Variants in CCDC201 observed in about 807,000 individuals in gnomAD.
The protein encoded by CCDC201 is coiled-coil domain-containing protein 201.
exon 3 of CCDC201, chr7:45,860,461 G>C (rs1583650408): frequency 6.6e-6 from 1 of 152,244 alleles, no homozygotes; most frequent in African/African-American, 2.4e-5. Context: ...CGCATACACA[G>C]TGAGAGTTAA....
exon 3 of CCDC201, chr7:45,862,944 T>G (rs1474850801): frequency 6.6e-6 from 1 of 152,246 alleles, no homozygotes; most frequent in African/African-American, 2.4e-5. Context: ...AACAGGATCT[T>G]CTCAAACCTG....
chr7:45,866,105 G>T, exon 2 of CCDC201: 1 of 188,608 alleles, frequency 5.3e-6, no homozygotes, highest in Non-Finnish European at 1.1e-5. Flanking sequence ...GCAATCCAGG[G>T]TTTTGTGCCC....
upstream of CCDC201, among the ~76,000 whole-genome samples, chr7:45,874,559 C>A (rs963969813): frequency 3.9e-5 from 6 of 152,224 alleles, no homozygotes; most frequent in African/African-American, 1.4e-4. Context: ...GTACAGCACG[C>A]AGAGCTGAGG....
upstream of CCDC201, among the ~76,000 whole-genome samples, chr7:45,875,708 A>T (rs1295645403): frequency 6.6e-6 from 1 of 152,222 alleles, no homozygotes; most frequent in African/African-American, 2.4e-5. Flanking sequence ...TGTGCAGAAT[A>T]CTGGAGTGAA....
At chr7:45,878,158 TC>T in the CCDC201 span, among the ~76,000 whole-genome samples, 2 of 152,176 alleles carry the variant, frequency 1.3e-5, no homozygotes, top group Middle Eastern at 3.2e-3. Flanking sequence ...TGGCATCTCT[TC>T]CCCTGTGGGA....
chr7:45,880,189 G>C, the CCDC201 span, among the ~76,000 whole-genome samples: 1 of 152,140 alleles, frequency 6.6e-6, no homozygotes, highest in Non-Finnish European at 1.5e-5. Flanking sequence ...ATTGTTGTTG[G>C]CTGTTTAAAT....
rs1380088376 is a variant in CCDC201 at position 45,865,351 on chromosome 7, G to C, written c.477+685C>G. 2.6e-5 allele frequency among the ~76,000 whole-genome samples: 4 copies of C among 152,320 alleles called. 1 individual carries two copies. Among genetic ancestry groups the C allele is most frequent in the South Asian group, 4.1e-4 (2 of 4,828 alleles). On this transcript the variant is annotated intron_variant, in intron 2 of 2. Coordinates refer to ENST00000636578, the Ensembl canonical transcript of CCDC201. ...GTAGGTCTGAGACAGTGTGTGCCCT[G>C]CTGGTTCTCCAGCTGTGGCAAGGGC...
At chr7:45,883,270 G>GACACACACACACCCCAAC in the CCDC201 span, among the ~76,000 whole-genome samples, 2 of 151,998 alleles carry the variant, frequency 1.3e-5, no homozygotes, top group Non-Finnish European at 2.9e-5. Flanking sequence ...AACCAGGTGA[G>GACACACACACACCCCAAC]ACACACACAC....
chr7:45,883,953 C>T, the CCDC201 span, among the ~76,000 whole-genome samples: 4 of 146,972 alleles, frequency 2.7e-5, no homozygotes, highest in Non-Finnish European at 1.5e-5. Flanking sequence ...CTTCCAGAAC[C>T]GATCTTTCTT....
At chr7:45,869,675 A>G (rs1583653521) in intron 1 of CCDC201, among the ~76,000 whole-genome samples, 1 of 152,346 alleles carries the variant, frequency 6.6e-6, no homozygotes, top group South Asian at 2.1e-4. Context: ...AGCATGAGTC[A>G]GCATCAGAAA....
the CCDC201 span, among the ~76,000 whole-genome samples, chr7:45,884,035 C>T: frequency 3.5e-5 from 5 of 144,544 alleles, no homozygotes; most frequent in South Asian, 1.1e-3. Context: ...TTCTTCCTTC[C>T]TTCCTTCCTT....
chr7:45,882,236 G>C, the CCDC201 span, among the ~76,000 whole-genome samples: 1 of 152,178 alleles, frequency 6.6e-6, no homozygotes, highest in Admixed American at 6.5e-5. Flanking sequence ...GGATTGGGAA[G>C]AGCAGATGAT....
the CCDC201 span, among the ~76,000 whole-genome samples, chr7:45,885,081 A>G: frequency 6.6e-6 from 1 of 152,128 alleles, no homozygotes; most frequent in Non-Finnish European, 1.5e-5. Context: ...TGCAAGAAAG[A>G]GTTTCCGGGA....
upstream of CCDC201, among the ~76,000 whole-genome samples, chr7:45,875,478 C>G (rs1428945469): frequency 6.6e-6 from 1 of 150,868 alleles, no homozygotes; most frequent in African/African-American, 2.4e-5. Flanking sequence ...TTAACACAGG[C>G]ACATATGTAC....
chr7:45,866,680 C>A (rs1786675554), intron 1 of CCDC201, among the ~76,000 whole-genome samples, 186 bp from the exon 2 acceptor site: 1 of 152,158 alleles, frequency 6.6e-6, no homozygotes, highest in African/African-American at 2.4e-5. Flanking sequence ...GAGATGGAAC[C>A]CTGCACAGGG....
upstream of CCDC201, among the ~76,000 whole-genome samples, chr7:45,875,688 G>A (rs1786793013): frequency 6.6e-6 from 1 of 152,228 alleles, no homozygotes; most frequent in South Asian, 2.1e-4. Context: ...GGCAGCAGAA[G>A]GGAGAGGCTT....
At chr7:45,884,248 C>T in the CCDC201 span, among the ~76,000 whole-genome samples, 1 of 152,142 alleles carries the variant, frequency 6.6e-6, no homozygotes, top group Non-Finnish European at 1.5e-5. Context: ...TACAGTCATA[C>T]ACCACCATGC....
chr7:45,883,078 C>T, the CCDC201 span, among the ~76,000 whole-genome samples: 1 of 152,166 alleles, frequency 6.6e-6, no homozygotes, highest in African/African-American at 2.4e-5. Flanking sequence ...ATGAGGTATG[C>T]CCAGTATAGT....
the CCDC201 span, among the ~76,000 whole-genome samples, chr7:45,880,099 A>C: frequency 6.6e-6 from 1 of 152,250 alleles, no homozygotes; most frequent in African/African-American, 2.4e-5. Flanking sequence ...ACACAAAAAA[A>C]TAAAGTTACT....
Sources: gnomAD v4.1 joint callset for allele counts (sites outside exome capture counted in the v4.1 genomes callset) on GRCh38, gnomAD v4.1.1 for gene constraint, MANE v1.5 for transcripts, NCBI Gene and HGNC (gene_info 2026-07-23, HGNC 2026-07-21) for gene names.